The following TOX2 variants were observed in gnomAD, a reference collection of about 807,000 sequenced individuals.
TOX2 encodes granulosa cell HMG box 1.
TOX2 carries 15 observed loss-of-function variants against 47.4 expected under a neutral mutation model. The ratio of observed to expected loss-of-function variants is 0.32; its 90% CI spans 0.21 to 0.49. TOX2 has a LOEUF of 0.49. TOX2 is among the 20% of genes least tolerant of loss of function. TOX2 has a pLI of 0.99. For synonymous variants in TOX2, 290 were observed against 296.6 expected (o/e 0.98, Z 0.23); for missense variants, 622 against 673.1 (o/e 0.92, Z 0.84).
chr20:43,999,874 CAATGG>C (rs2070544957), intron 2 of TOX2, among the ~76,000 whole-genome samples: 1 of 152,114 alleles, frequency 6.6e-6, no homozygotes, highest in Admixed American at 6.5e-5. Flanking sequence ...ACATATAGAC[CAATGG>C]AATAGAATTG....
intron 1 of TOX2, among the ~76,000 whole-genome samples, chr20:43,919,572 G>C (rs998583340): frequency 6.6e-6 from 1 of 152,064 alleles, no homozygotes; most frequent in Non-Finnish European, 1.5e-5. Context: ...TGTTACATAG[G>C]TAAACGTCTG....
At position 43,915,587 on chromosome 20, in the gene TOX2, C is replaced by T. The variant is rs376960296; in HGVS notation, c.99+597C>T. 2.6e-5 allele frequency among the ~76,000 whole-genome samples: 4 copies of T among 152,364 alleles called. No homozygotes were observed. The highest frequency in any genetic ancestry group is 4.8e-5 in the African/African-American group (2 of 41,594). On this transcript the variant is annotated intron_variant, in intron 1 of 8. Coordinates refer to ENST00000341197, the MANE Select transcript of TOX2 (RefSeq NM_001098797.2). This position sits in a 1 kb window ranked among gnomAD's most constrained non-coding sequence, Gnocchi z 7.1. ...TGGACGGTGAGCCTCAGACACAGATCGTCCTGACGGCCACACAGTCACACG... is the reference window on the plus strand; with the variant it reads ...TGGACGGTGAGCCTCAGACACAGATTGTCCTGACGGCCACACAGTCACACG...
At chr20:44,030,993 G>A (rs1436718171) in intron 3 of TOX2, among the ~76,000 whole-genome samples, 3 of 152,220 alleles carry the variant, frequency 2.0e-5, no homozygotes, top group African/African-American at 4.8e-5. Flanking sequence ...TTTGATGGAA[G>A]GGGTTTTGAG....
intron 1 of TOX2, among the ~76,000 whole-genome samples, chr20:43,953,574 G>C (rs923820988): frequency 6.6e-6 from 1 of 152,204 alleles, no homozygotes; most frequent in African/African-American, 2.4e-5. Flanking sequence ...TGCAGGGCAG[G>C]CTGGTGGCAA....
At chr20:43,948,622 C>T (rs866046873) in intron 1 of TOX2, among the ~76,000 whole-genome samples, 2 of 152,036 alleles carry the variant, frequency 1.3e-5, no homozygotes, top group Admixed American at 6.5e-5. Context: ...TGGGAGGCCC[C>T]GGGCCTGCTG....
chr20:43,945,736 G>T, intron 1 of TOX2: 1 of 918,472 alleles, frequency 1.1e-6, no homozygotes, highest in Non-Finnish European at 1.6e-6. Context: ...GGCCCAAATT[G>T]GAATAGGAGA....
At chr20:44,035,314 A>C (rs552005337) in intron 3 of TOX2, among the ~76,000 whole-genome samples, 1 of 152,312 alleles carries the variant, frequency 6.6e-6, no homozygotes, top group East Asian at 1.9e-4. Context: ...CTGAAGCCTC[A>C]GTGAAGCCAC....
intron 2 of TOX2, among the ~76,000 whole-genome samples, chr20:43,987,912 CTTTTT>C (rs762084312): frequency 4.3e-5 from 3 of 69,980 alleles, no homozygotes; most frequent in African/African-American, 1.8e-4. Context: ...ATATCAACAT[CTTTTT>C]TTTTTTTTTT....
At chr20:43,931,141 T>C (rs1358954103) in intron 1 of TOX2, among the ~76,000 whole-genome samples, 1 of 152,210 alleles carries the variant, frequency 6.6e-6, no homozygotes, top group Non-Finnish European at 1.5e-5. Flanking sequence ...ACATCTTTTA[T>C]GTTTTTTTTC....
At chr20:43,942,416 G>A (rs1267954972) in intron 1 of TOX2, among the ~76,000 whole-genome samples, 1 of 152,222 alleles carries the variant, frequency 6.6e-6, no homozygotes, top group Non-Finnish European at 1.5e-5. Context: ...CATAGCTCAT[G>A]CCTGTCATCC....
chr20:43,997,914 G>A (rs533953191), intron 2 of TOX2, among the ~76,000 whole-genome samples: 6 of 151,608 alleles, frequency 4.0e-5, no homozygotes, highest in Admixed American at 6.6e-5. Flanking sequence ...TTTTCTGCTC[G>A]TTTGTTTTTG....
chr20:43,955,391 C>A, intron 1 of TOX2: 1 of 824,874 alleles, frequency 1.2e-6, no homozygotes, highest in Non-Finnish European at 1.5e-6. Context: ...TCTTGGCAGC[C>A]AGTGTCTTCT....
At chr20:43,987,535 T>C (rs115110589) in intron 2 of TOX2, among the ~76,000 whole-genome samples, 1 of 152,262 alleles carries the variant, frequency 6.6e-6, no homozygotes, top group African/African-American at 2.4e-5. Context: ...CAATAAGGTG[T>C]AAAAAAAGAA....
chr20:43,948,233 G>A (rs1042256836), intron 1 of TOX2, among the ~76,000 whole-genome samples: 1 of 152,194 alleles, frequency 6.6e-6, no homozygotes, highest in Admixed American at 6.5e-5. Context: ...ATATTTATGG[G>A]AAGAATGAAG....
intron 2 of TOX2, among the ~76,000 whole-genome samples, chr20:43,988,852 A>C (rs963103950): frequency 2.0e-5 from 3 of 152,188 alleles, no homozygotes; most frequent in Non-Finnish European, 2.9e-5. Flanking sequence ...AGGAGGGTGG[A>C]TTTATCTGCA....
At chr20:44,006,237 A>G (rs907689667) in intron 2 of TOX2, among the ~76,000 whole-genome samples, 2 of 152,158 alleles carry the variant, frequency 1.3e-5, no homozygotes, top group Non-Finnish European at 2.9e-5. Context: ...AGATGGATCC[A>G]AGGTGGACTG....
At chr20:44,009,444 T>G (rs186225813) in intron 3 of TOX2, among the ~76,000 whole-genome samples, 1 of 152,306 alleles carries the variant, frequency 6.6e-6, no homozygotes, top group African/African-American at 2.4e-5. Flanking sequence ...TCTCCAGAAA[T>G]TTTTTCCTCG....
At chr20:44,019,511 TC>T (rs2070944290) in intron 3 of TOX2, among the ~76,000 whole-genome samples, 2 of 152,222 alleles carry the variant, frequency 1.3e-5, no homozygotes, top group Admixed American at 1.3e-4. Flanking sequence ...TGGGTGTTGG[TC>T]AAAGCTCTCA....
intron 2 of TOX2, among the ~76,000 whole-genome samples, chr20:43,989,395 G>A (rs758767290): frequency 7.2e-5 from 11 of 152,156 alleles, no homozygotes; most frequent in African/African-American, 1.7e-4. Flanking sequence ...TCACACATGC[G>A]GGAGCCCAGT....
Sources: allele counts gnomAD v4.1 joint callset (sites outside exome capture counted in the v4.1 genomes callset), GRCh38; gene constraint gnomAD v4.1.1; non-coding constraint Gnocchi (gnomAD v3.1); transcripts MANE v1.5; gene names NCBI Gene and HGNC (gene_info 2026-07-23, HGNC 2026-07-21).